FKBP1B: variants seen among roughly 807,000 people sequenced by gnomAD.
FKBP1B encodes peptidyl-prolyl cis-trans isomerase FKBP1B.
A neutral mutation model predicts 13.5 loss-of-function variants in FKBP1B; 4 were observed. That is an observed-to-expected ratio of 0.30 (90% CI 0.15 to 0.68). FKBP1B has a LOEUF of 0.68. Among genes scored for constraint, FKBP1B ranks in the 30% least tolerant of loss-of-function variants. The pLI is 0.76. For missense variants in FKBP1B, 93 were observed against 136.2 expected, an observed-to-expected ratio of 0.68 and a Z score of 1.58; for synonymous variants, 54 against 53.6, an observed-to-expected ratio of 1.01 and a Z score of -0.03.
At chr2:24,053,751 C>T (rs1049675399) in intron 1 of FKBP1B, 151 bp from the exon 2 acceptor site, 14 of 739,086 alleles carry the variant, frequency 1.9e-5, no homozygotes, top group South Asian at 9.7e-5. Flanking sequence ...CATTCTGGCT[C>T]GTACAGGGCC....
chr2:24,063,588 G>T lies in FKBP1B; in HGVS notation c.*396G>T. The T allele has an allele frequency of 4.2e-6, 1 of 238,188 alleles. No homozygotes were observed. Among genetic ancestry groups the T allele is most frequent in the Non-Finnish European group, 8.2e-6 (1 of 121,842 alleles). 14.8% of individuals were successfully genotyped at this position (238,188 alleles called of 1,614,324 possible). ...AGAGGGACTTGAGCCAGTTACCTTT[G>T]CTGTCACTTTCTCTCTTATAAATTC... On this transcript the variant is annotated 3_prime_UTR_variant, in exon 4 of 4. Transcript: ENST00000380986.
the FKBP1B span, among the ~76,000 whole-genome samples, chr2:24,034,753 T>C: frequency 6.6e-6 from 1 of 151,950 alleles, no homozygotes; most frequent in Non-Finnish European, 1.5e-5. Context: ...TTTGTATTTT[T>C]CGGTAGAGAC....
chr2:24,038,314 A>G, the FKBP1B span: 8 of 1,614,232 alleles, frequency 5.0e-6, no homozygotes, highest in Non-Finnish European at 6.8e-6. Flanking sequence ...TTGGTCTGTC[A>G]AGAAACATAT....
intron 3 of FKBP1B, among the ~76,000 whole-genome samples, chr2:24,062,030 C>T (rs867685024): frequency 2.4e-5 from 3 of 123,714 alleles, no homozygotes; most frequent in African/African-American, 5.4e-5. Flanking sequence ...CCACCACGGC[C>T]GGCTAATTTT....
the FKBP1B span, among the ~76,000 whole-genome samples, chr2:24,036,161 T>C: frequency 6.6e-6 from 1 of 151,824 alleles, no homozygotes; most frequent in South Asian, 2.1e-4. Context: ...ATTAAAACTC[T>C]ACTACTGAAA....
chr2:24,043,828 C>T, the FKBP1B span, among the ~76,000 whole-genome samples: 1 of 151,900 alleles, frequency 6.6e-6, no homozygotes, highest in African/African-American at 2.4e-5. Context: ...ATTTGCTTAT[C>T]TGTAAATTAT....
chr2:24,063,037 C>T (rs1183967778), intron 3 of FKBP1B, 27 bp from the exon 4 acceptor site: 1 of 1,614,240 alleles, frequency 6.2e-7, no homozygotes, highest in South Asian at 1.1e-5. Flanking sequence ...TCTTTCTCCT[C>T]TCCCCATCTG....
chr2:24,061,660 A>G (rs898561728), intron 3 of FKBP1B, among the ~76,000 whole-genome samples: 3 of 152,194 alleles, frequency 2.0e-5, no homozygotes, highest in Non-Finnish European at 4.4e-5. Flanking sequence ...ACCATAGTAC[A>G]ATTATCAAAA....
the FKBP1B span, among the ~76,000 whole-genome samples, chr2:24,043,491 T>TAAAACAAAAC: frequency 3.3e-5 from 5 of 151,136 alleles, no homozygotes; most frequent in African/African-American, 1.2e-4. Flanking sequence ...TGTCTCTACT[T>TAAAACAAAAC]AAAACAAAAC....
the FKBP1B span, among the ~76,000 whole-genome samples, chr2:24,040,956 C>A: frequency 6.6e-6 from 1 of 152,052 alleles, no homozygotes; most frequent in East Asian, 1.9e-4. Context: ...GCAGAGGCTA[C>A]AGTGAGCTGA....
At chr2:24,056,477 G>A (rs1158383409) in intron 2 of FKBP1B, among the ~76,000 whole-genome samples, 1 of 151,824 alleles carries the variant, frequency 6.6e-6, no homozygotes, top group Non-Finnish European at 1.5e-5. Context: ...CCAAGTAGCT[G>A]GGATTACAGG....
chr2:24,039,490 T>G, the FKBP1B span: 1 of 1,609,094 alleles, frequency 6.2e-7, no homozygotes, highest in Non-Finnish European at 8.5e-7. Context: ...TTTTCCCAAC[T>G]CCATCCTTTT....
chr2:24,034,926 T>TAA, the FKBP1B span, among the ~76,000 whole-genome samples: 2 of 151,944 alleles, frequency 1.3e-5, no homozygotes, highest in Non-Finnish European at 2.9e-5. Flanking sequence ...TTTACATTTA[T>TAA]AAGTGTTTTA....
the FKBP1B span, chr2:24,039,356 T>C: frequency 1.9e-6 from 3 of 1,614,104 alleles, no homozygotes; most frequent in Non-Finnish European, 2.5e-6. Flanking sequence ...TCCCCAAACT[T>C]GACCTCTCCA....
At chr2:24,038,327 C>G in the FKBP1B span, 1 of 1,614,178 alleles carries the variant, frequency 6.2e-7, no homozygotes, top group South Asian at 1.1e-5. Flanking sequence ...AAACATATCC[C>G]TTTTGGTCTT....
At chr2:24,039,556 C>G in the FKBP1B span, 1 of 1,545,122 alleles carries the variant, frequency 6.5e-7, no homozygotes, top group Non-Finnish European at 8.8e-7. Context: ...GAAATCTAGA[C>G]AAATCTAGAA....
At chr2:24,037,898 G>C in the FKBP1B span, 2 of 1,614,038 alleles carry the variant, frequency 1.2e-6, no homozygotes, top group South Asian at 2.2e-5. Context: ...GTGCTGGTGT[G>C]GTCTGGTGTG....
chr2:24,048,303 C>T (rs920709420), upstream of FKBP1B, among the ~76,000 whole-genome samples: 2 of 151,922 alleles, frequency 1.3e-5, no homozygotes, highest in African/African-American at 4.8e-5. Flanking sequence ...AACCCTGTCT[C>T]TACTAAAAAT....
upstream of FKBP1B, among the ~76,000 whole-genome samples, chr2:24,045,600 CAAAAAAA>C (rs869243363): frequency 7.8e-5 from 5 of 64,412 alleles, no homozygotes; most frequent in Admixed American, 6.7e-4. Context: ...GACTCCATCT[CAAAAAAA>C]AAAAAAAAAA....
Sources: gnomAD v4.1 joint callset for allele counts (sites outside exome capture counted in the v4.1 genomes callset) on GRCh38, gnomAD v4.1.1 for gene constraint, MANE v1.5 for transcripts, NCBI Gene and HGNC (gene_info 2026-07-23, HGNC 2026-07-21) for gene names.